The following FHIT variants were observed in gnomAD, a reference collection of about 807,000 sequenced individuals.
FHIT encodes bis(5'-adenosyl)-triphosphatase.
In FHIT, 19 loss-of-function variants were observed where a neutral mutation model predicts 17.9. The ratio of observed to expected loss-of-function variants is 1.06; its 90% confidence interval spans 0.74 to 1.56. FHIT has a LOEUF of 1.56. Ranked by LOEUF, FHIT falls within the 40% of genes most tolerant of loss-of-function variation. The pLI, the probability that FHIT is intolerant of heterozygous loss-of-function variation, is 0.00. For missense variants in FHIT, 248 were observed against 189.2 expected, an observed-to-expected ratio of 1.31 and a Z score of -1.82; for synonymous variants, 81 against 69.7, an observed-to-expected ratio of 1.16 and a Z score of -0.81.
At chr3:60,171,121 T>C (rs1701399859) in intron 5 of FHIT, among the ~76,000 whole-genome samples, 1 of 152,218 alleles carries the variant, frequency 6.6e-6, no homozygotes, top group Non-Finnish European at 1.5e-5. Context: ...TTTCTATCTT[T>C]TAATTTAACT....
At chr3:60,624,749 T>TTGG (rs1188226155) in intron 4 of FHIT, among the ~76,000 whole-genome samples, 1 of 152,166 alleles carries the variant, frequency 6.6e-6, no homozygotes, top group African/African-American at 2.4e-5. Context: ...ACTGGCTTCT[T>TTGG]TCACTTACTG....
At chr3:60,347,227 GC>G (rs1710827979) in intron 5 of FHIT, among the ~76,000 whole-genome samples, 1 of 152,076 alleles carries the variant, frequency 6.6e-6, no homozygotes, top group Non-Finnish European at 1.5e-5. Flanking sequence ...TGTCTACAAA[GC>G]CATTTACTTA....
chr3:60,845,932 G>A (rs1553746311), intron 3 of FHIT, among the ~76,000 whole-genome samples: 9 of 152,090 alleles, frequency 5.9e-5, no homozygotes, highest in Non-Finnish European at 1.3e-4. Context: ...TTAAACCATT[G>A]GCAACATATC....
intron 5 of FHIT, among the ~76,000 whole-genome samples, chr3:60,351,196 G>A (rs73107041): frequency 9.8e-5 from 15 of 152,340 alleles, no homozygotes; most frequent in Non-Finnish European, 1.9e-4. Flanking sequence ...TATAGCGACA[G>A]CAAACTAATA....
intron 7 of FHIT, among the ~76,000 whole-genome samples, chr3:59,984,722 C>G (rs1480025522): frequency 6.6e-6 from 1 of 152,034 alleles, no homozygotes; most frequent in African/African-American, 2.4e-5. Context: ...AAATACTTAC[C>G]AAGCTCCTAT....
chr3:61,242,714 C>A lies in FHIT; in HGVS notation c.-213+8587G>T, dbSNP rs547428474. The stretch of plus-strand genomic sequence containing the variant: ...TTTTTAAGGATAATTTGGTGGGTAG[C>A]GGGCCAGGCAGTGGGGAGTGCTGAT... On this transcript the variant is annotated intron_variant, in intron 1 of 9. Coordinates refer to ENST00000492590, the MANE Select transcript of FHIT (RefSeq NM_002012.4). Among the ~76,000 whole-genome samples, 3 of 152,176 alleles carry A rather than the reference C, an allele frequency of 2.0e-5. No individual in the cohort carries two copies. In the South Asian group the frequency reaches 6.2e-4, roughly 32 times the overall value.
At chr3:60,203,277 AC>A (rs1250188702) in intron 5 of FHIT, among the ~76,000 whole-genome samples, 1 of 152,182 alleles carries the variant, frequency 6.6e-6, no homozygotes. Context: ...AGAAACCTAT[AC>A]CTTCAAAAGC....
At chr3:61,023,411 A>C (rs994171326) in intron 3 of FHIT, among the ~76,000 whole-genome samples, 1 of 152,222 alleles carries the variant, frequency 6.6e-6, no homozygotes, top group Non-Finnish European at 1.5e-5. Flanking sequence ...GAAAATGGCC[A>C]TACTGCCCAA....
intron 4 of FHIT, among the ~76,000 whole-genome samples, chr3:60,707,893 T>C (rs9827340): frequency 0.11 from 16,930 of 152,196 alleles, 2,056 homozygotes; most frequent in African/African-American, 0.3. Flanking sequence ...GGTATACTGT[T>C]GCATATTTTT....
rs78506929 is a variant in FHIT at position 60,586,809 on chromosome 3, A to G, written c.-17-49830T>C. 2.6e-3 allele frequency among the ~76,000 whole-genome samples: 394 copies of G among 152,128 alleles called. 3 individuals carry two copies. The highest frequency in any genetic ancestry group is 9.2e-3 in the African/African-American group (382 of 41,544). On this transcript the variant is annotated intron_variant, in intron 4 of 9. Coordinates refer to ENST00000492590, the MANE Select transcript of FHIT (RefSeq NM_002012.4). ...CTAAATGATGAAAACTCATGGATAC[A>G]AAGAGGCGAACAATAGACAATGGGA...
chr3:61,193,648 T>C (rs1329455191), intron 2 of FHIT, among the ~76,000 whole-genome samples: 3 of 152,224 alleles, frequency 2.0e-5, no homozygotes, highest in African/African-American at 7.2e-5. Flanking sequence ...TTGCAATTCA[T>C]GCAGCATTCA....
chr3:60,673,167 A>G (rs11922545), intron 4 of FHIT, among the ~76,000 whole-genome samples: 10,137 of 152,072 alleles, frequency 0.067, 459 homozygotes, highest in African/African-American at 0.13. Context: ...TATTCCATAT[A>G]TTTACCATTT....
intron 5 of FHIT, among the ~76,000 whole-genome samples, chr3:60,404,867 C>T (rs1701793464): frequency 6.6e-6 from 1 of 152,158 alleles, no homozygotes; most frequent in African/African-American, 2.4e-5. Context: ...AGTTCCCATT[C>T]AGCAAGGGCA....
At chr3:59,811,851 C>T (rs1483542582) in intron 8 of FHIT, among the ~76,000 whole-genome samples, 1 of 152,194 alleles carries the variant, frequency 6.6e-6, no homozygotes, top group Non-Finnish European at 1.5e-5. Context: ...AAGAGCAAGG[C>T]ACATTTGGTC....
intron 4 of FHIT, among the ~76,000 whole-genome samples, chr3:60,560,724 C>T (rs1288596777): frequency 6.6e-6 from 1 of 151,162 alleles, no homozygotes; most frequent in East Asian, 2.0e-4. Context: ...AGAGCCGGTC[C>T]TTTACTTTTA....
chr3:60,995,562 T>A (rs992405883), intron 3 of FHIT, among the ~76,000 whole-genome samples: 1 of 151,962 alleles, frequency 6.6e-6, no homozygotes, highest in East Asian at 1.9e-4. Context: ...TCTTTCCCTC[T>A]CCCCAGACCG....
At chr3:60,909,480 T>C (rs1454878739) in intron 3 of FHIT, among the ~76,000 whole-genome samples, 1 of 152,148 alleles carries the variant, frequency 6.6e-6, no homozygotes, top group Non-Finnish European at 1.5e-5. Flanking sequence ...ATGCTGATAG[T>C]ATATAATGCA....
At chr3:60,615,203 G>A (rs550111755) in intron 4 of FHIT, among the ~76,000 whole-genome samples, 1 of 152,274 alleles carries the variant, frequency 6.6e-6, no homozygotes, top group East Asian at 1.9e-4. Context: ...ACTATCTGGG[G>A]ATAATCTAGC....
intron 5 of FHIT, among the ~76,000 whole-genome samples, chr3:60,219,691 A>G (rs1490310767): frequency 6.6e-6 from 1 of 152,134 alleles, no homozygotes; most frequent in Non-Finnish European, 1.5e-5. Flanking sequence ...TTGGGAAAAT[A>G]AACTATCTGT....
Sources: allele counts gnomAD v4.1 joint callset (sites outside exome capture counted in the v4.1 genomes callset), GRCh38; gene constraint gnomAD v4.1.1; transcripts MANE v1.5; gene names NCBI Gene and HGNC (gene_info 2026-07-23, HGNC 2026-07-21).